The following HYOU1 variants were observed in gnomAD, a reference collection of about 807,000 sequenced individuals.
The protein encoded by HYOU1 is hypoxia up-regulated 1, also known as hypoxia up-regulated protein 1.
A neutral mutation model predicts 120.5 loss-of-function variants in HYOU1; 40 were observed. The observed-to-expected ratio is 0.33, with a 90% CI of 0.26 to 0.43. The LOEUF (loss-of-function observed/expected upper bound fraction) is 0.43. Ranked by LOEUF, HYOU1 falls within the 20% of genes least tolerant of loss-of-function variation. HYOU1 has a pLI of 1.00. For synonymous variants in HYOU1, 501 were observed against 479.4 expected (o/e 1.05, Z -0.59); for missense variants, 1,085 against 1,278.3 (o/e 0.85, Z 2.31).
intron 21 of HYOU1, 28 bp from the exon 22 acceptor site, chr11:119,047,846 C>T (rs1197330512): frequency 1.2e-6 from 2 of 1,613,244 alleles, no homozygotes; most frequent in South Asian, 1.1e-5. Context: ...GACCATTAGC[C>T]CCAGAGGGAG....
At position 119,054,522 on chromosome 11, in the gene HYOU1, C is replaced by T. The variant is rs201120720; in HGVS notation, c.650G>A (p.Arg217His). ...GGCAGTGGTGTTAATATCTTTCCGG[C>T]GGAAGACACCATAGCTGAGGGCAGT... Reference protein sequence around the residue: ...TATALSYGVFRRKDINTTAQN... With the variant: ...TATALSYGVFHRKDINTTAQN... The change falls in exon 7 of 26, where the codon CGC becomes CAC. Residue 217 changes from arginine (R) to histidine (H), a missense_variant. Coordinates refer to ENST00000617285, the MANE Select transcript of HYOU1 (RefSeq NM_006389.5). The T allele has an allele frequency of 1.7e-5, 28 of 1,614,036 alleles. 1 individual carries two copies. The highest frequency in any genetic ancestry group is 1.3e-4 in the Admixed American group (8 of 59,996).
rs2133613859 is a variant in HYOU1 at position 119,055,506 on chromosome 11, C to T, written c.251G>A (p.Ser84Asn). ...CTGCTAGCTCACCATGCTTGCTGCA[C>T]TGTCTCCAAAGAATCTTTCATTTTC... Reference protein sequence around the residue: ...LKENERFFGDSAASMAIKNPK... With the variant: ...LKENERFFGDNAASMAIKNPK... The change falls in exon 4 of 26, where the codon AGT becomes AAT. Residue 84 changes from serine to asparagine, a missense_variant. Transcript: ENST00000617285. This position sits in a 1 kb window ranked among gnomAD's most constrained non-coding sequence, Gnocchi z 4.0. 2 of 1,614,106 alleles carry T rather than the reference C, an allele frequency of 1.2e-6. No individual in the cohort carries two copies. Among genetic ancestry groups the T allele is most frequent in the Admixed American group, 1.7e-5 (1 of 60,026 alleles).
chr11:119,051,605 C>T lies in HYOU1; in HGVS notation c.1359G>A (p.Val453=), dbSNP rs2133586257. ...GGCTGTGAATCCCAGGCTCCTCCTC[C>T]ACCTCCCTCGTGAACTCCACCTACA... ...YPILVEFTRE[V]EEEPGIHSLK... Residue 453 remains valine, a synonymous_variant, in exon 13 of 26, where the codon GTG becomes GTA. Transcript: ENST00000617285. The surrounding 1 kb of genome is among the most constrained non-coding windows in gnomAD (Gnocchi z 4.2). 2 of 1,614,100 alleles carry T rather than the reference C, an allele frequency of 1.2e-6. No individual in the cohort carries two copies. Among genetic ancestry groups the T allele is most frequent in the East Asian group, 2.2e-5 (1 of 44,880 alleles).
Position 119,054,618 on chromosome 11 carries a change from C to T in HYOU1, c.554G>A (p.Arg185His), listed in dbSNP as rs2133606295. Residue 185 changes from arginine (R) to histidine (H), a missense_variant, in exon 7 of 26, where the codon CGC becomes CAC. Arg to His is a conservative substitution (Grantham distance 29). This residue lies in a region of HYOU1 where 515 missense variants were observed against 677.8 expected (regional missense o/e 0.76). Transcript: ENST00000617285. ...ACGAGCAGCCTGCAGCACAGCTCGG[C>T]GCTCGGCCTGGTTGAAGAAGACTGG... ...TVPVFFNQAE[R>H]RAVLQAARMA... 4.3e-6 allele frequency: 7 copies of T among 1,613,928 alleles called. No homozygotes were observed. The highest frequency in any genetic ancestry group is 1.3e-5 in the African/African-American group (1 of 74,896).
At position 119,048,400 on chromosome 11, in the gene HYOU1, C is replaced by T; in HGVS notation, c.2254-30G>A. Reference sequence around the variant, plus strand: ...GGAGGGGGACATGTAAACACATGCACCCACAAGCCCAGAGGCAAGGCCCAC... The same window carrying T: ...GGAGGGGGACATGTAAACACATGCATCCACAAGCCCAGAGGCAAGGCCCAC... On this transcript the variant is annotated intron_variant, in intron 19 of 25. Coordinates refer to ENST00000617285, the MANE Select transcript of HYOU1 (RefSeq NM_006389.5). The surrounding 1 kb of genome is among the most constrained non-coding windows in gnomAD (Gnocchi z 4.7). 6.2e-7 allele frequency: 1 copy of T among 1,610,472 alleles called. No homozygotes were observed. The highest frequency in any genetic ancestry group is 1.3e-5 in the African/African-American group (1 of 75,042).
chr11:119,047,844 G>A (rs1264152749), intron 21 of HYOU1, 26 bp from the exon 22 acceptor site: 11 of 1,612,904 alleles, frequency 6.8e-6, no homozygotes, highest in Non-Finnish European at 8.5e-6. Context: ...GAGACCATTA[G>A]CCCCAGAGGG....
In HYOU1 at chr11:119,051,875, T is replaced by G. The variant is rs2133588503; in HGVS notation, c.1282A>C (p.Lys428Gln). Residue 428 changes from lysine (K) to glutamine (Q), a missense_variant, in exon 12 of 26, where the codon AAA becomes CAA. Physicochemically the swap from Lys to Gln is moderately conservative, Grantham distance 53. Transcript: ENST00000617285. This position sits in a 1 kb window ranked among gnomAD's most constrained non-coding sequence, Gnocchi z 4.2. ...GAVYQAAALS[K>Q]AFKVKPFVVR... is the part of the protein sequence containing the mutation. ...ACAAATGGCTTCACTTTAAAGGCTT[T>G]GCTGAGCGCAGCTGCCTGGTACACT... is the stretch of plus-strand genomic sequence containing the variant. 1 of 1,614,182 alleles carries G rather than the reference T, an allele frequency of 6.2e-7. No individual in the cohort carries two copies. Among genetic ancestry groups the G allele is most frequent in the East Asian group, 2.2e-5 (1 of 44,884 alleles).
intron 24 of HYOU1, 65 bp downstream of exon 24, chr11:119,046,352 G>T: frequency 1.4e-6 from 2 of 1,476,040 alleles, no homozygotes; most frequent in African/African-American, 1.4e-5. Flanking sequence ...GGCTGTGCCT[G>T]CCAGTTTGCC....
chr11:119,047,571 T>C, intron 22 of HYOU1, 163 bp downstream of exon 22: 1 of 633,002 alleles, frequency 1.6e-6, no homozygotes, highest in Admixed American at 2.7e-5. Context: ...CCATGGCCCT[T>C]GCTTGGGACT....
At chr11:119,047,026 G>C in intron 22 of HYOU1, 1 of 567,010 alleles carries the variant, frequency 1.8e-6, no homozygotes. Context: ...TACTACTCTG[G>C]AGTGACTACA....
intron 25 of HYOU1, 61 bp from the exon 26 acceptor site, chr11:119,045,715 G>A (rs780587471): frequency 5.6e-6 from 9 of 1,613,226 alleles, no homozygotes; most frequent in Non-Finnish European, 7.6e-6. Context: ...ACCAACCCCA[G>A]TTCTTTGCAA....
At chr11:119,054,404 G>A (rs1592153810) in intron 7 of HYOU1, 90 bp downstream of exon 7, 2 of 1,401,940 alleles carry the variant, frequency 1.4e-6, no homozygotes, top group East Asian at 2.3e-5. Context: ...GGTCAGCCCA[G>A]CCATGCAAAC....
chr11:119,057,092 C>CCCCCCA lies in HYOU1; in HGVS notation c.-86_-81dup, dbSNP rs1944828561. 6.6e-6 allele frequency: 1 copy of CCCCCCA among 152,268 alleles called. No individual in the cohort carries two copies. Among genetic ancestry groups the CCCCCCA allele is most frequent in the African/African-American group, 2.4e-5 (1 of 41,454 alleles). The allele number at this position is 152,268 out of a possible 1,614,324, so 9.4% of individuals were successfully genotyped here. A position where few individuals can be genotyped will look rare whatever the true frequency, so the allele number is the denominator to read the frequency against. On this transcript the variant is annotated 5_prime_UTR_variant, in exon 1 of 26. Coordinates refer to ENST00000617285, the MANE Select transcript of HYOU1 (RefSeq NM_006389.5). ...GAACGTACCCACGAGGCCGGCAGCGCCCCCCACCCGCGCCCTTCACAACTC... is the reference window on the plus strand; with the variant it reads ...GAACGTACCCACGAGGCCGGCAGCGCCCCCCACCCCCACCCGCGCCCTTCACAACTC...
intron 14 of HYOU1, 67 bp downstream of exon 14, chr11:119,050,968 C>G: frequency 6.3e-7 from 1 of 1,582,284 alleles, no homozygotes; most frequent in Non-Finnish European, 8.6e-7. Flanking sequence ...CATGTGGAAC[C>G]CACTTTGGAA....
intron 7 of HYOU1, 92 bp from the exon 8 acceptor site, chr11:119,054,328 CTCTT>C: frequency 4.1e-6 from 5 of 1,233,788 alleles, no homozygotes; most frequent in Non-Finnish European, 5.9e-6. Context: ...GGCTGTCTGA[CTCTT>C]AACACAAAAC....
chr11:119,045,834 G>A lies in HYOU1; in HGVS notation c.2888-3C>T. The stretch of plus-strand genomic sequence containing the variant: ...CTCAGTGTCTCCTGGCTCGGATCCT[G>A]CTTTGGGAAGAAACAGGTTAGTCTC... On this transcript the variant is annotated splice_polypyrimidine_tract_variant and splice_region_variant and intron_variant, in intron 24 of 25. Coordinates refer to ENST00000617285, the MANE Select transcript of HYOU1 (RefSeq NM_006389.5). The A allele has an allele frequency of 1.2e-6, 2 of 1,612,494 alleles. No homozygotes were observed. Among genetic ancestry groups the A allele is most frequent in the Non-Finnish European group, 1.7e-6 (2 of 1,179,620 alleles).
At chr11:119,054,371 G>A in intron 7 of HYOU1, 123 bp downstream of exon 7, 3 of 1,198,852 alleles carry the variant, frequency 2.5e-6, no homozygotes, top group Non-Finnish European at 3.7e-6. Context: ...GCTGGGAGGA[G>A]GCTATTGGTG....
chr11:119,048,931 C>T lies in HYOU1; in HGVS notation c.1993-45G>A. 2 of 1,607,704 alleles carry T rather than the reference C, an allele frequency of 1.2e-6. No homozygotes were observed. The highest frequency in any genetic ancestry group is 2.7e-5 in the African/African-American group (2 of 74,704). ...GGTGTCAGGAAAAGCCTCTGCCCTC[C>T]TACATTCTCCACAAGGCCAGAAACA... On this transcript the variant is annotated intron_variant, in intron 17 of 25. Transcript: ENST00000617285. This position sits in a 1 kb window ranked among gnomAD's most constrained non-coding sequence, Gnocchi z 4.7.
chr11:119,045,492 A>G lies in HYOU1; in HGVS notation c.*101T>C. 2 of 1,018,570 alleles carry G rather than the reference A, an allele frequency of 2.0e-6. No individual in the cohort carries two copies. The highest frequency in any genetic ancestry group is 3.1e-6 in the Non-Finnish European group (2 of 641,094). 63.1% of individuals were successfully genotyped at this position (1,018,570 alleles called of 1,614,324 possible). A position where few individuals can be genotyped will look rare whatever the true frequency, so the allele number is the denominator to read the frequency against. ...ATCACAGGGGTGAGAAAGGAACTCCAGCCGAGGGCAGGACCAACCCCTCCC... is the reference window on the plus strand; with the variant it reads ...ATCACAGGGGTGAGAAAGGAACTCCGGCCGAGGGCAGGACCAACCCCTCCC... On this transcript the variant is annotated 3_prime_UTR_variant, in exon 26 of 26. Transcript: ENST00000617285.
Sources: gnomAD v4.1 joint callset for allele counts on GRCh38, gnomAD v4.1.1 for gene constraint, gnomAD v4.1.1 regional missense constraint, Gnocchi (gnomAD v3.1) non-coding constraint, MANE v1.5 for transcripts, NCBI Gene and HGNC (gene_info 2026-07-23, HGNC 2026-07-21) for gene names.